Variants in PRKG2 observed in about 807,000 individuals in gnomAD.
PRKG2 encodes the protein cGMP-dependent protein kinase 2.
Under a neutral mutation model 97.2 loss-of-function variants are expected in PRKG2, and 33 were observed. The observed-to-expected ratio is 0.34, with a 90% confidence interval of 0.26 to 0.45. The LOEUF (loss-of-function observed/expected upper bound fraction) is 0.45. PRKG2 is among the 20% of genes least tolerant of loss of function. The pLI is 1.00. For missense variants in PRKG2, 638 were observed against 900.0 expected, an observed-to-expected ratio of 0.71 and a Z score of 3.73; for synonymous variants, 330 against 321.8, an observed-to-expected ratio of 1.03 and a Z score of -0.27.
chr4:81,134,858 A>T (rs1475590445), intron 14 of PRKG2, among the ~76,000 whole-genome samples: 2 of 152,188 alleles, frequency 1.3e-5, no homozygotes, highest in Non-Finnish European at 2.9e-5. Context: ...GAATCAATTT[A>T]AAAATAGTTA....
chr4:81,116,985 CTTTT>C (rs58361616), intron 14 of PRKG2, among the ~76,000 whole-genome samples: 9 of 78,986 alleles, frequency 1.1e-4, no homozygotes, highest in South Asian at 5.5e-4. Flanking sequence ...CCTGTTGTTA[CTTTT>C]TTTTTTTTTT....
At chr4:81,165,371 C>T (rs1749890647) in intron 6 of PRKG2, among the ~76,000 whole-genome samples, 2 of 152,142 alleles carry the variant, frequency 1.3e-5, no homozygotes, top group South Asian at 4.1e-4. Context: ...AACTCCTAAA[C>T]TGCATGACAG....
At position 81,142,960 on chromosome 4, in the gene PRKG2, A is replaced by C. The variant is rs1747442841; in HGVS notation, c.1254-13T>G. 6.3e-7 allele frequency: 1 copy of C among 1,595,414 alleles called. No individual in the cohort carries two copies. Among genetic ancestry groups the C allele is most frequent in the African/African-American group, 1.3e-5 (1 of 74,702 alleles). On this transcript the variant is annotated splice_polypyrimidine_tract_variant and intron_variant, in intron 10 of 18. Coordinates refer to ENST00000264399, the MANE Select transcript of PRKG2 (RefSeq NM_006259.3). ...AGACATGGACCGCCTGTACAAGAGA[A>C]GTGAAACTTTACACACACACACCCA...
rs139483938 is a variant in PRKG2, at chr4:81,104,563, C to T, written c.2064-131G>A. On this transcript the variant is annotated intron_variant, in intron 16 of 18. Coordinates refer to ENST00000264399, the MANE Select transcript of PRKG2 (RefSeq NM_006259.3). ...ATTCATTCATTCATTAAAAAACATG[C>T]ATGAAGTTGCTACTGTAGACCAGAC... 498 of 372,650 alleles carry T rather than the reference C, an allele frequency of 1.3e-3. 1 individual carries two copies. The highest frequency in any genetic ancestry group is 0.01 in the African/African-American group (461 of 45,934). The allele number at this position is 372,650 out of a possible 1,614,324, so 23.1% of individuals were successfully genotyped here.
intron 16 of PRKG2, 25 bp from the exon 17 acceptor site, chr4:81,104,457 A>AATTTATAATAATTAT: frequency 9.1e-7 from 1 of 1,096,758 alleles, no homozygotes; most frequent in Non-Finnish European, 1.2e-6. Context: ...TGTAAAAGGC[A>AATTTATAATAATTAT]ATTTATAATA....
intron 12 of PRKG2, among the ~76,000 whole-genome samples, chr4:81,139,611 G>GAA (rs11372286): frequency 1.5e-4 from 20 of 136,750 alleles, no homozygotes; most frequent in African/African-American, 4.7e-4. Context: ...ACTAAAAATA[G>GAA]AAAAAAAAAA....
At position 81,106,271 on chromosome 4, in the gene PRKG2, C is replaced by T. The variant is rs556628617; in HGVS notation, c.1941-336G>A. Among the ~76,000 whole-genome samples the T allele has an allele frequency of 1.2e-3, 178 of 152,198 alleles. 1 individual carries two copies. The highest frequency in any genetic ancestry group is 0.011 in the Admixed American group (175 of 15,286). ...TCTCATAGGCTGACAATTGTGCAGA[C>T]GTATGAATAAAGAGAGGGAAGGAAG... On this transcript the variant is annotated intron_variant, in intron 15 of 18. Transcript: ENST00000264399.
At chr4:81,117,912 T>C (rs746890560) in intron 14 of PRKG2, among the ~76,000 whole-genome samples, 4 of 152,298 alleles carry the variant, frequency 2.6e-5, no homozygotes, top group African/African-American at 2.4e-5. Context: ...TTTGGACACA[T>C]GTATATGGAC....
chr4:81,172,768 GT>G (rs1750601148), intron 3 of PRKG2, among the ~76,000 whole-genome samples: 1 of 152,088 alleles, frequency 6.6e-6, no homozygotes, highest in South Asian at 2.1e-4. Flanking sequence ...TCACTGCTAA[GT>G]AGCTCTGTAT....
In PRKG2 at chr4:81,174,743, A is replaced by G. The variant is rs781473496; in HGVS notation, c.628+50T>C. The G allele has an allele frequency of 2.2e-5, 34 of 1,515,466 alleles. No homozygotes were observed. In the African/African-American group the frequency reaches 4.2e-4, roughly 19 times the overall value. 93.9% of individuals were successfully genotyped at this position (1,515,466 alleles called of 1,614,324 possible). ...TTTTTATAAATGTTTGCAGAAAATCATAACAGGCAAAATATTTATTATATA... is the reference window on the plus strand; with the variant it reads ...TTTTTATAAATGTTTGCAGAAAATCGTAACAGGCAAAATATTTATTATATA... On this transcript the variant is annotated intron_variant, in intron 3 of 18. Transcript: ENST00000264399.
chr4:81,126,030 C>A (rs1350503160), intron 14 of PRKG2, among the ~76,000 whole-genome samples: 1 of 152,090 alleles, frequency 6.6e-6, no homozygotes, highest in South Asian at 2.1e-4. Flanking sequence ...CTCTCCCAGA[C>A]CCCCCAGCCG....
Position 81,114,425 on chromosome 4 carries a change from T to C in PRKG2, c.1777-3814A>G, listed in dbSNP as rs113952201. ...ATGGATACTTGTCTATAGTAAAATT[T>C]GAACCAGGTTCAAAGGGAATCTTCT... On this transcript the variant is annotated intron_variant, in intron 14 of 18. Coordinates refer to ENST00000264399, the MANE Select transcript of PRKG2 (RefSeq NM_006259.3). Among the ~76,000 whole-genome samples the C allele has an allele frequency of 4.8e-3, 727 of 152,274 alleles. 8 individuals carry two copies. Among genetic ancestry groups the C allele is most frequent in the African/African-American group, 0.017 (686 of 41,550 alleles).
rs145202948 is a variant in PRKG2 at position 81,151,286 on chromosome 4, C to A, written c.1085+674G>T. 3.7e-3 allele frequency among the ~76,000 whole-genome samples: 561 copies of A among 151,910 alleles called. 1 individual carries two copies. The highest frequency in any genetic ancestry group is 0.013 in the African/African-American group (530 of 41,284). The stretch of plus-strand genomic sequence containing the variant: ...ATTCCAATAAAGTGTGTTGCTCTAA[C>A]TTTAACTTAATATTTTATAAAGTTA... On this transcript the variant is annotated intron_variant, in intron 8 of 18. Coordinates refer to ENST00000264399, the MANE Select transcript of PRKG2 (RefSeq NM_006259.3).
In PRKG2 at chr4:81,153,724, G is replaced by T; in HGVS notation, c.913-3C>A. On this transcript the variant is annotated splice_region_variant and splice_polypyrimidine_tract_variant and intron_variant, in intron 6 of 18. Coordinates refer to ENST00000264399, the MANE Select transcript of PRKG2 (RefSeq NM_006259.3). ...TAATCTCCTTTGTCATAGTATTCCT[G>T]TTGGGATGAGAGAGAAAGAAAATGT... The T allele has an allele frequency of 6.3e-7, 1 of 1,595,968 alleles. No individual in the cohort carries two copies. Among genetic ancestry groups the T allele is most frequent in the Non-Finnish European group, 8.6e-7 (1 of 1,163,882 alleles).
At chr4:81,145,506 T>A (rs1023423988) in intron 9 of PRKG2, among the ~76,000 whole-genome samples, 1 of 152,096 alleles carries the variant, frequency 6.6e-6, no homozygotes, top group African/African-American at 2.4e-5. Context: ...TCAGCCAACA[T>A]CTCATTACCT....
chr4:81,202,730 G>A (rs990340319), intron 2 of PRKG2, among the ~76,000 whole-genome samples: 1 of 113,546 alleles, frequency 8.8e-6, no homozygotes, highest in African/African-American at 6.9e-5. Context: ...TATAACTACT[G>A]ATTTTTTTTT....
chr4:81,136,905 C>T (rs1746760141), intron 13 of PRKG2, among the ~76,000 whole-genome samples: 1 of 152,122 alleles, frequency 6.6e-6, no homozygotes, highest in South Asian at 2.1e-4. Flanking sequence ...CCTCCTGACC[C>T]CCACCGTGCA....
Position 81,087,809 on chromosome 4 carries a change from T to A in PRKG2, c.*1899A>T, listed in dbSNP as rs1226674966. The A allele has an allele frequency of 6.6e-6, 1 of 152,134 alleles. No individual in the cohort carries two copies. Among genetic ancestry groups the A allele is most frequent in the Non-Finnish European group, 1.5e-5 (1 of 67,992 alleles). 9.4% of individuals were successfully genotyped at this position (152,134 alleles called of 1,614,324 possible). A position where few individuals can be genotyped will look rare whatever the true frequency, so the allele number is the denominator to read the frequency against. Reference sequence around the variant, plus strand: ...AAAAATCACATGGGAGGATAACACATTGACATGGTCAATCACAGGAAAAAT... The same window carrying A: ...AAAAATCACATGGGAGGATAACACAATGACATGGTCAATCACAGGAAAAAT... On this transcript the variant is annotated 3_prime_UTR_variant, in exon 19 of 19. Coordinates refer to ENST00000264399, the MANE Select transcript of PRKG2 (RefSeq NM_006259.3).
intron 2 of PRKG2, among the ~76,000 whole-genome samples, chr4:81,181,456 G>A (rs560164348): frequency 1.2e-4 from 17 of 146,530 alleles, no homozygotes; most frequent in Admixed American, 3.3e-4. Context: ...CGTCCTAAGC[G>A]TCCATCTCAA....
Sources: gnomAD v4.1 joint callset for allele counts (sites outside exome capture counted in the v4.1 genomes callset) on GRCh38, gnomAD v4.1.1 for gene constraint, MANE v1.5 for transcripts, NCBI Gene and HGNC (gene_info 2026-07-23, HGNC 2026-07-21) for gene names.